Variants in SLC15A1 observed in about 807,000 individuals in gnomAD.
The protein encoded by SLC15A1 is Caco-2 oligopeptide transporter.
Under a neutral mutation model 92.9 loss-of-function variants are expected in SLC15A1, and 83 were observed. That is an observed-to-expected ratio of 0.89 (90% CI 0.75 to 1.07). The LOEUF is 1.07. Ranked by LOEUF, SLC15A1 falls within the 50% of genes least tolerant of loss-of-function variation. SLC15A1 has a pLI of 0.00. For synonymous variants in SLC15A1, 322 were observed against 318.2 expected, an observed-to-expected ratio of 1.01 and a Z score of -0.13; for missense variants, 857 against 880.1, an observed-to-expected ratio of 0.97 and a Z score of 0.33.
intron 1 of SLC15A1, among the ~76,000 whole-genome samples, chr13:98,746,824 C>T (rs2088496756): frequency 6.6e-6 from 1 of 152,182 alleles, no homozygotes; most frequent in Non-Finnish European, 1.5e-5. Context: ...TTCCGCAGCC[C>T]GGTGAGGAGC....
chr13:98,690,378 G>A lies in SLC15A1; in HGVS notation c.1467-1801C>T, dbSNP rs3783000. ...ATGGAACCTGAGACAGATCCACACGGGCCTTAGCTAGAATTCCCACTGCTC... is the reference window on the plus strand; with the variant it reads ...ATGGAACCTGAGACAGATCCACACGAGCCTTAGCTAGAATTCCCACTGCTC... On this transcript the variant is annotated intron_variant, in intron 18 of 22. Coordinates refer to ENST00000376503, the MANE Select transcript of SLC15A1 (RefSeq NM_005073.4). 3.3e-3 allele frequency among the ~76,000 whole-genome samples: 497 copies of A among 152,210 alleles called. 21 individuals carry two copies. In the East Asian group the frequency reaches 0.09, roughly 27 times the overall value.
intron 1 of SLC15A1, among the ~76,000 whole-genome samples, chr13:98,748,804 G>A (rs770148226): frequency 5.3e-5 from 8 of 152,140 alleles, no homozygotes; most frequent in Non-Finnish European, 1.2e-4. Flanking sequence ...CTTTAGAGTC[G>A]TGGTTCTCAA....
At chr13:98,733,068 G>A (rs1203925254) in intron 1 of SLC15A1, among the ~76,000 whole-genome samples, 3 of 152,188 alleles carry the variant, frequency 2.0e-5, no homozygotes, top group East Asian at 3.9e-4. Context: ...GACTGCAATT[G>A]TTGGGGGAGG....
chr13:98,725,149 C>T (rs2088288628), intron 4 of SLC15A1, among the ~76,000 whole-genome samples: 1 of 152,238 alleles, frequency 6.6e-6, no homozygotes, highest in South Asian at 2.1e-4. Flanking sequence ...CCTTCACCTT[C>T]CTCCATGAAT....
chr13:98,752,553 C>G, intron 1 of SLC15A1, 42 bp downstream of exon 1: 1 of 1,277,298 alleles, frequency 7.8e-7, no homozygotes, highest in Middle Eastern at 2.5e-4. Context: ...CCGCGTAGCT[C>G]CGAGTCTTTA....
chr13:98,718,632 C>T (rs1344625041), intron 8 of SLC15A1, among the ~76,000 whole-genome samples: 1 of 152,084 alleles, frequency 6.6e-6, no homozygotes, highest in African/African-American at 2.4e-5. Flanking sequence ...GCCTGGCCAG[C>T]ATGGTGAAAC....
At position 98,751,917 on chromosome 13, in the gene SLC15A1, G is replaced by T. The variant is rs2088549235; in HGVS notation, c.4+678C>A. The stretch of plus-strand genomic sequence containing the variant: ...AAAGCAGCGGGCTGGGCTGCTCCCA[G>T]CAGCTCTGGCTCTGCTTCCGTTCAT... On this transcript the variant is annotated intron_variant, in intron 1 of 22. Coordinates refer to ENST00000376503, the MANE Select transcript of SLC15A1 (RefSeq NM_005073.4). Among the ~76,000 whole-genome samples the T allele has an allele frequency of 2.0e-5, 3 of 152,252 alleles. No homozygotes were observed. In the South Asian group the frequency reaches 6.2e-4, roughly 31 times the overall value.
chr13:98,687,373 G>A (rs1003508037), intron 21 of SLC15A1, among the ~76,000 whole-genome samples: 14 of 152,138 alleles, frequency 9.2e-5, no homozygotes, highest in Admixed American at 6.5e-4. Context: ...ATGTGAACAC[G>A]TGCTCTTGCA....
At chr13:98,724,105 A>ACCCC in intron 4 of SLC15A1, 74 bp from the exon 5 acceptor site, 2 of 1,573,604 alleles carry the variant, frequency 1.3e-6, no homozygotes, top group South Asian at 2.3e-5. Context: ...ACCACAAAAG[A>ACCCC]CCCCCTCCTT....
rs2087951771 is a variant in SLC15A1 at position 98,688,672 on chromosome 13, T to G, written c.1467-95A>C. 3 of 818,770 alleles carry G rather than the reference T, an allele frequency of 3.7e-6. No individual in the cohort carries two copies. The Admixed American group carries it at 6.9e-5, about 19-fold the overall frequency. The allele number at this position is 818,770 out of a possible 1,614,324, so 50.7% of individuals were successfully genotyped here. A position where few individuals can be genotyped will look rare whatever the true frequency, so the allele number is the denominator to read the frequency against. ...CCTGAAGTTGGGCAATACTCCCTAT[T>G]TTGAAGGAGTTTAAGATGTTTTCAG... is the stretch of plus-strand genomic sequence containing the variant. On this transcript the variant is annotated intron_variant, in intron 18 of 22. Coordinates refer to ENST00000376503, the MANE Select transcript of SLC15A1 (RefSeq NM_005073.4).
At chr13:98,698,224 G>T (rs1231659237) in intron 18 of SLC15A1, among the ~76,000 whole-genome samples, 2 of 152,142 alleles carry the variant, frequency 1.3e-5, no homozygotes, top group Non-Finnish European at 2.9e-5. Context: ...ATTTTCTCTT[G>T]CAGACTGATC....
rs2088264923 is a variant in SLC15A1 at position 98,722,038 on chromosome 13, T to C, written c.366-135A>G. On this transcript the variant is annotated intron_variant, in intron 5 of 22. Coordinates refer to ENST00000376503, the MANE Select transcript of SLC15A1 (RefSeq NM_005073.4). Reference sequence around the variant, plus strand: ...GAAGACAATCTCGCGAGAAGCCAGCTCACAGGAATGCAGCGTGATAGTCAA... The same window carrying C: ...GAAGACAATCTCGCGAGAAGCCAGCCCACAGGAATGCAGCGTGATAGTCAA... 4.8e-6 allele frequency: 3 copies of C among 628,722 alleles called. No individual in the cohort carries two copies. The East Asian group carries it at 8.3e-5, about 17-fold the overall frequency. The allele number at this position is 628,722 out of a possible 1,614,324, so 38.9% of individuals were successfully genotyped here.
intron 7 of SLC15A1, chr13:98,720,560 C>A (rs1226255665): frequency 6.5e-6 from 1 of 154,196 alleles, no homozygotes; most frequent in Non-Finnish European, 1.4e-5. Context: ...ATAATCTAAT[C>A]TGATTCAAAT....
At position 98,721,597 on chromosome 13, in the gene SLC15A1, A is replaced by T; in HGVS notation, c.466-12T>A. On this transcript the variant is annotated splice_polypyrimidine_tract_variant and intron_variant, in intron 6 of 22. Coordinates refer to ENST00000376503, the MANE Select transcript of SLC15A1 (RefSeq NM_005073.4). ...TTTCTTTGTTTCTCCTGCAATGAAAAGGAGAAAGTAAGATGACTTTGGCTA... is the reference window on the plus strand; with the variant it reads ...TTTCTTTGTTTCTCCTGCAATGAAATGGAGAAAGTAAGATGACTTTGGCTA... The T allele has an allele frequency of 1.3e-6, 2 of 1,571,410 alleles. No homozygotes were observed.
intron 18 of SLC15A1, among the ~76,000 whole-genome samples, chr13:98,693,086 CG>C (rs1399391208): frequency 8.0e-5 from 9 of 111,854 alleles, no homozygotes; most frequent in African/African-American, 3.5e-4. Flanking sequence ...TTATTGTCTA[CG>C]TTTTTTTTTT....
rs757881977 is a variant in SLC15A1, at chr13:98,706,264, TAAAAG to T, written c.1150-16_1150-12del. On this transcript the variant is annotated splice_polypyrimidine_tract_variant and intron_variant, in intron 15 of 22. Coordinates refer to ENST00000376503, the MANE Select transcript of SLC15A1 (RefSeq NM_005073.4). ...GACTGGAAGAGTTTTCTGAGCAAAATAAAAGAAAATTGGCAGTGAGGTCTTCAATA... is the reference window on the plus strand; with the variant it reads ...GACTGGAAGAGTTTTCTGAGCAAAATAAAATTGGCAGTGAGGTCTTCAATA... The T allele has an allele frequency of 2.5e-6, 4 of 1,610,168 alleles. No homozygotes were observed. Among genetic ancestry groups the T allele is most frequent in the South Asian group, 1.1e-5 (1 of 90,174 alleles).
chr13:98,698,707 G>C (rs577305294), intron 18 of SLC15A1, among the ~76,000 whole-genome samples: 1 of 152,154 alleles, frequency 6.6e-6, no homozygotes, highest in Non-Finnish European at 1.5e-5. Flanking sequence ...AAAGTGCTGG[G>C]ATTACAGGCA....
rs1275672978 is a variant in SLC15A1, at chr13:98,687,672, A to C, written c.1736T>G (p.Val579Gly). The C allele has an allele frequency of 6.2e-7, 1 of 1,614,060 alleles. No individual in the cohort carries two copies. Among genetic ancestry groups the C allele is most frequent in the African/African-American group, 1.3e-5 (1 of 74,924 alleles). ...KVFEDISANT[V>G]NMALQIPQYF... The stretch of plus-strand genomic sequence containing the variant: ...CTGCGGGATTTGCAGAGCCATGTTA[A>C]CTGTGTTGGCTGAAATATCTTCAAA... The change falls in exon 21 of 23, where the codon GTT becomes GGT. Residue 579 changes from valine to glycine, a missense_variant. Coordinates refer to ENST00000376503, the MANE Select transcript of SLC15A1 (RefSeq NM_005073.4).
chr13:98,726,247 A>C lies in SLC15A1; in HGVS notation c.121T>G (p.Phe41Val). 1.9e-6 allele frequency: 3 copies of C among 1,614,138 alleles called. No individual in the cohort carries two copies. The highest frequency in any genetic ancestry group is 2.5e-6 in the Non-Finnish European group (3 of 1,180,014). The change falls in exon 4 of 23, where the codon TTC becomes GTC. Residue 41 changes from phenylalanine (F) to valine (V), a missense_variant. Physicochemically the swap from Phe to Val is conservative, Grantham distance 50. Transcript: ENST00000376503. ...TCATCCCAGCTGATGAAATTTGTGA[A>C]GTACAGAATCAGGATTGCTTTTGCA... ...YGMRAILILY[F>V]TNFISWDDNL...
Sources: allele counts gnomAD v4.1 joint callset (sites outside exome capture counted in the v4.1 genomes callset), GRCh38; gene constraint gnomAD v4.1.1; transcripts MANE v1.5; gene names NCBI Gene and HGNC (gene_info 2026-07-23, HGNC 2026-07-21).